RIMS2: variants seen among roughly 807,000 people sequenced by gnomAD.
RIMS2 encodes the protein regulating synaptic membrane exocytosis protein 2.
RIMS2 carries 59 observed loss-of-function variants against 174.4 expected under a neutral mutation model. The ratio of observed to expected loss-of-function variants is 0.34; its 90% CI spans 0.27 to 0.42. RIMS2 has a LOEUF of 0.42. Among genes scored for constraint, RIMS2 ranks in the 10% least tolerant of loss-of-function variants. The pLI is 1.00. For missense variants in RIMS2, 1,620 were observed against 1,666.3 expected (o/e 0.97, Z 0.48); for synonymous variants, 606 against 572.5 (o/e 1.06, Z -0.84).
At chr8:103,549,150 C>T (rs531362430) in intron 1 of RIMS2, among the ~76,000 whole-genome samples, 196 of 151,808 alleles carry the variant, frequency 1.3e-3, no homozygotes, top group African/African-American at 4.5e-3. Context: ...AGAAGAGCAA[C>T]TCCAAGACAC....
chr8:104,017,043 T>TCATAAAAA (rs1291741546), intron 19 of RIMS2, among the ~76,000 whole-genome samples: 2 of 152,050 alleles, frequency 1.3e-5, no homozygotes, highest in African/African-American at 4.8e-5. Context: ...GGGGTTTTGT[T>TCATAAAAA]TTTTAGTTTT....
chr8:103,923,448 G>A (rs962818315), intron 10 of RIMS2, among the ~76,000 whole-genome samples: 3 of 151,574 alleles, frequency 2.0e-5, no homozygotes, highest in African/African-American at 7.3e-5. Context: ...CATAGGTCAG[G>A]GATTTAGACA....
chr8:103,998,675 G>C (rs970582856), intron 17 of RIMS2, among the ~76,000 whole-genome samples: 3 of 151,738 alleles, frequency 2.0e-5, no homozygotes, highest in Non-Finnish European at 4.4e-5. Context: ...TGTCCTTGAA[G>C]TGCTTAGGTT....
chr8:103,978,364 CAG>C (rs1491362673), intron 16 of RIMS2, among the ~76,000 whole-genome samples: 2 of 116,214 alleles, frequency 1.7e-5, no homozygotes, highest in East Asian at 3.9e-4. Context: ...AAATGGTAGT[CAG>C]AGGAAAAAAA....
chr8:103,745,196 T>C (rs971663694), intron 2 of RIMS2, among the ~76,000 whole-genome samples: 7 of 152,204 alleles, frequency 4.6e-5, no homozygotes, highest in African/African-American at 1.7e-4. Flanking sequence ...TACTTCCCTA[T>C]ACCCCTGCAA....
chr8:103,570,944 C>T (rs1013744626), intron 1 of RIMS2, among the ~76,000 whole-genome samples: 7 of 152,124 alleles, frequency 4.6e-5, no homozygotes, highest in Non-Finnish European at 8.8e-5. Flanking sequence ...TACTGTTTTT[C>T]CTATACCAAT....
At chr8:104,072,625 C>T (rs1171667969) in intron 19 of RIMS2, among the ~76,000 whole-genome samples, 2 of 152,030 alleles carry the variant, frequency 1.3e-5, no homozygotes, top group Non-Finnish European at 2.9e-5. Flanking sequence ...AATTGTGAAG[C>T]CCTGTGTGGA....
Position 104,034,758 on chromosome 8 carries a change from C to T in RIMS2, c.3334+20143C>T, listed in dbSNP as rs543236986. On this transcript the variant is annotated intron_variant, in intron 19 of 23. Coordinates refer to ENST00000504942, the Ensembl canonical transcript of RIMS2. ...GTGCTGGAATTACAGGCATGAGCTA[C>T]GGTGCCCAGCCCTACTTGCAGTATT... is the stretch of plus-strand genomic sequence containing the variant. 1.8e-3 allele frequency among the ~76,000 whole-genome samples: 270 copies of T among 152,148 alleles called. 2 individuals carry two copies. Among genetic ancestry groups the T allele is most frequent in the Non-Finnish European group, 3.0e-3 (203 of 67,994 alleles).
At chr8:104,073,628 G>T (rs2097235213) in intron 19 of RIMS2, among the ~76,000 whole-genome samples, 2 of 152,232 alleles carry the variant, frequency 1.3e-5, no homozygotes, top group Non-Finnish European at 1.5e-5. Flanking sequence ...TCAAATGGAG[G>T]CCAGAAGCCT....
At chr8:104,048,474 G>T (rs548609211) in intron 19 of RIMS2, among the ~76,000 whole-genome samples, 1 of 152,224 alleles carries the variant, frequency 6.6e-6, no homozygotes, top group African/African-American at 2.4e-5. Context: ...GAGTAGCAGT[G>T]AAATTTAGCA....
intron 19 of RIMS2, among the ~76,000 whole-genome samples, chr8:104,179,432 A>T (rs933314770): frequency 6.6e-6 from 1 of 152,014 alleles, no homozygotes; most frequent in Non-Finnish European, 1.5e-5. Flanking sequence ...ACAGAAAAAT[A>T]TGACTTCATT....
At chr8:103,591,985 T>C (rs542266759) in intron 1 of RIMS2, among the ~76,000 whole-genome samples, 1 of 151,334 alleles carries the variant, frequency 6.6e-6, no homozygotes, top group East Asian at 1.9e-4. Flanking sequence ...TTAGATCTAT[T>C]TGGAAAGAAT....
chr8:104,013,303 T>C, intron 17 of RIMS2, 139 bp from the exon 20 acceptor site: 1 of 632,238 alleles, frequency 1.6e-6, no homozygotes, highest in Non-Finnish European at 2.6e-6. Context: ...TTGCTCAGAA[T>C]ATGTTGGGGA....
rs530595790 is a variant in RIMS2, at chr8:104,027,907, C to T, written c.3334+13292C>T. 3.3e-5 allele frequency among the ~76,000 whole-genome samples: 5 copies of T among 152,130 alleles called. No homozygotes were observed. In the South Asian group the frequency reaches 8.3e-4, roughly 25 times the overall value. ...GCATATTGGAACATATAATATTATA[C>T]AAATCTTACTAATAAATGAATTTAT... On this transcript the variant is annotated intron_variant, in intron 19 of 23. Transcript: ENST00000504942.
At chr8:104,240,576 G>A (rs1479448652) in intron 19 of RIMS2, among the ~76,000 whole-genome samples, 1 of 152,190 alleles carries the variant, frequency 6.6e-6, no homozygotes, top group Non-Finnish European at 1.5e-5. Flanking sequence ...GATTATGTCA[G>A]ATGATAGTGA....
chr8:104,115,896 C>A (rs983285712), intron 19 of RIMS2, among the ~76,000 whole-genome samples: 4 of 152,106 alleles, frequency 2.6e-5, no homozygotes, highest in Non-Finnish European at 5.9e-5. Flanking sequence ...CTTATGTTAT[C>A]TTTGTAAACA....
chr8:103,646,626 A>G (rs950360635), intron 1 of RIMS2, among the ~76,000 whole-genome samples: 2 of 151,974 alleles, frequency 1.3e-5, no homozygotes, highest in African/African-American at 4.8e-5. Flanking sequence ...TTCAGCTCCA[A>G]CTTATAAGTG....
chr8:103,939,771 G>C (rs1398867920), intron 13 of RIMS2, among the ~76,000 whole-genome samples: 1 of 152,074 alleles, frequency 6.6e-6, no homozygotes, highest in East Asian at 1.9e-4. Context: ...TTCAACATTT[G>C]TTCCACCAGA....
intron 19 of RIMS2, among the ~76,000 whole-genome samples, chr8:104,209,838 G>T (rs2099097619): frequency 6.6e-6 from 1 of 152,176 alleles, no homozygotes; most frequent in Admixed American, 6.5e-5. Context: ...TGACTCAATA[G>T]TTAGACTTGA....
Sources: gnomAD v4.1 joint callset for allele counts (sites outside exome capture counted in the v4.1 genomes callset) on GRCh38, gnomAD v4.1.1 for gene constraint, MANE v1.5 for transcripts, NCBI Gene and HGNC (gene_info 2026-07-23, HGNC 2026-07-21) for gene names.